The following MEIS2 variants were observed in gnomAD, a reference collection of about 807,000 sequenced individuals.
MEIS2 encodes homeobox protein Meis2.
In MEIS2, 9 loss-of-function variants were observed where a neutral mutation model predicts 58.6. That is an observed-to-expected ratio of 0.15 (90% CI 0.09 to 0.27). MEIS2 has a LOEUF of 0.27. Ranked by LOEUF, MEIS2 falls within the 10% of genes least tolerant of loss-of-function variation. MEIS2 has a pLI of 1.00. For missense variants in MEIS2, 427 were observed against 635.0 expected, an observed-to-expected ratio of 0.67 and a Z score of 3.52; for synonymous variants, 221 against 228.4, an observed-to-expected ratio of 0.97 and a Z score of 0.29.
chr15:36,995,956 G>GATATATATATATATATATATATAT (rs539738718), intron 8 of MEIS2, among the ~76,000 whole-genome samples: 2 of 112,936 alleles, frequency 1.8e-5, no homozygotes, highest in African/African-American at 6.6e-5. Context: ...TCTAGTCTGA[G>GATATATATATATATATATATATAT]ATATATATAT....
rs58427946 is a variant in MEIS2 at position 36,896,527 on chromosome 15, T to C, written c.1036+101A>G. The C allele has an allele frequency of 0.017, 15,375 of 902,682 alleles. 1,546 individuals are homozygous for C. In the African/African-American group the frequency reaches 0.23, roughly 13 times the overall value. The allele number at this position is 902,682 out of a possible 1,614,324, so 55.9% of individuals were successfully genotyped here. A position where few individuals can be genotyped will look rare whatever the true frequency, so the allele number is the denominator to read the frequency against. ...ATTAAAAAAAAAAATCCAGAATGCC[T>C]GGTGGAAGCACTTATTTATCAGATG... On this transcript the variant is annotated intron_variant, in intron 10 of 11. Transcript: ENST00000561208.
intron 6 of MEIS2, among the ~76,000 whole-genome samples, chr15:37,092,111 A>T (rs1271148385): frequency 1.3e-5 from 2 of 152,206 alleles, no homozygotes; most frequent in African/African-American, 4.8e-5. Flanking sequence ...ATCACCAAAG[A>T]TTCCCTCACC....
At chr15:37,076,428 A>C (rs1335301464) in intron 7 of MEIS2, among the ~76,000 whole-genome samples, 1 of 152,036 alleles carries the variant, frequency 6.6e-6, no homozygotes. Context: ...CAATTGAAAA[A>C]TCAGCATGAT....
At chr15:36,912,830 T>TG (rs1555423432) in intron 9 of MEIS2, among the ~76,000 whole-genome samples, 1 of 104,530 alleles carries the variant, frequency 9.6e-6, no homozygotes, top group Non-Finnish European at 1.9e-5. Context: ...CCCCCACTCC[T>TG]GAAAAAAAAA....
chr15:37,091,069 T>C (rs533926731), intron 6 of MEIS2, among the ~76,000 whole-genome samples: 28 of 152,286 alleles, frequency 1.8e-4, no homozygotes, highest in African/African-American at 6.7e-4. Flanking sequence ...AAGATTCAAA[T>C]TGGGCACATT....
At chr15:36,899,349 A>C (rs555845742) in intron 9 of MEIS2, among the ~76,000 whole-genome samples, 1 of 152,328 alleles carries the variant, frequency 6.6e-6, no homozygotes, top group East Asian at 1.9e-4. Context: ...CCTGACATTA[A>C]AAAATGAAAT....
intron 9 of MEIS2, among the ~76,000 whole-genome samples, chr15:36,918,323 G>A (rs757524801): frequency 2.6e-5 from 4 of 152,162 alleles, no homozygotes; most frequent in Non-Finnish European, 5.9e-5. Context: ...TTTTGGACAA[G>A]TTCTTTAACT....
intron 7 of MEIS2, among the ~76,000 whole-genome samples, chr15:37,072,748 T>C (rs1028330805): frequency 2.0e-5 from 3 of 152,114 alleles, no homozygotes; most frequent in Admixed American, 2.0e-4. Context: ...TACATATGTA[T>C]ACATGTGCCA....
intron 9 of MEIS2, among the ~76,000 whole-genome samples, chr15:36,909,097 C>T (rs2056880475): frequency 6.6e-6 from 1 of 152,086 alleles, no homozygotes; most frequent in South Asian, 2.1e-4. Flanking sequence ...ACCAGGACAA[C>T]ACTATTCCTT....
At chr15:37,036,646 G>T in intron 8 of MEIS2, 168 bp downstream of exon 8, 3 of 623,026 alleles carry the variant, frequency 4.8e-6, no homozygotes, top group Non-Finnish European at 7.7e-6. Context: ...GGTGCTCTTT[G>T]GATGGTAATA....
intron 8 of MEIS2, among the ~76,000 whole-genome samples, chr15:36,966,297 T>G (rs968077476): frequency 6.6e-6 from 1 of 152,152 alleles, no homozygotes; most frequent in Non-Finnish European, 1.5e-5. Flanking sequence ...CTCATACATA[T>G]AGAAATATTT....
chr15:36,951,395 C>A (rs1018138267), intron 8 of MEIS2, among the ~76,000 whole-genome samples: 8 of 151,958 alleles, frequency 5.3e-5, no homozygotes, highest in African/African-American at 1.2e-4. Flanking sequence ...AAGTAGAAAG[C>A]CTTTTGTAAT....
At chr15:37,039,366 T>C (rs770505457) in intron 7 of MEIS2, among the ~76,000 whole-genome samples, 1 of 152,200 alleles carries the variant, frequency 6.6e-6, no homozygotes, top group Non-Finnish European at 1.5e-5. Context: ...ATGGTTTCTG[T>C]GTATATGTTT....
intron 8 of MEIS2, among the ~76,000 whole-genome samples, chr15:37,023,505 T>C (rs927842146): frequency 5.3e-5 from 8 of 152,222 alleles, no homozygotes; most frequent in African/African-American, 7.2e-5. Context: ...TGTAGGATTA[T>C]TTTTCTGTCC....
intron 8 of MEIS2, among the ~76,000 whole-genome samples, chr15:36,960,246 A>G (rs1295897123): frequency 6.6e-6 from 1 of 151,798 alleles, no homozygotes; most frequent in African/African-American, 2.4e-5. Flanking sequence ...GCTGAGGGTT[A>G]TCTTTTTTTT....
chr15:36,970,918 T>G (rs980312810), intron 8 of MEIS2, among the ~76,000 whole-genome samples: 12 of 152,170 alleles, frequency 7.9e-5, no homozygotes, highest in African/African-American at 2.9e-4. Context: ...AACTGCAGTA[T>G]GTATAATTAA....
chr15:36,956,543 T>A (rs569657734), intron 8 of MEIS2, among the ~76,000 whole-genome samples: 1 of 152,166 alleles, frequency 6.6e-6, no homozygotes, highest in African/African-American at 2.4e-5. Flanking sequence ...CCAAGTTAGG[T>A]TAATGGGAGT....
chr15:37,036,622 G>T (rs2062166024), intron 8 of MEIS2, 192 bp downstream of exon 8: 1 of 502,388 alleles, frequency 2.0e-6, no homozygotes, highest in Middle Eastern at 5.4e-4. Context: ...ACAAAAACCT[G>T]CTACTTTCTA....
At chr15:36,990,930 A>C (rs1468498664) in intron 8 of MEIS2, among the ~76,000 whole-genome samples, 1 of 152,182 alleles carries the variant, frequency 6.6e-6, no homozygotes, top group East Asian at 1.9e-4. Flanking sequence ...CAAGACTATT[A>C]GGCTTTTTCC....
Sources: allele counts gnomAD v4.1 joint callset (sites outside exome capture counted in the v4.1 genomes callset), GRCh38; gene constraint gnomAD v4.1.1; transcripts MANE v1.5; gene names NCBI Gene and HGNC (gene_info 2026-07-23, HGNC 2026-07-21).